UMAD1: variants seen among roughly 807,000 people sequenced by gnomAD.
The protein encoded by UMAD1 is UBAP1-MVB12-associated (UMA) domain containing 1.
Under a neutral mutation model 6.1 loss-of-function variants are expected in UMAD1, and 8 were observed. The observed-to-expected ratio is 1.30, with a 90% confidence interval of 0.76 to 2.35. The LOEUF (loss-of-function observed/expected upper bound fraction) is 2.35, where lower values mean the gene tolerates loss of function less well. Ranked by LOEUF, UMAD1 falls within the 30% of genes most tolerant of loss-of-function variation. UMAD1 has a pLI of 0.00. For missense variants in UMAD1, 130 were observed against 78.4 expected (o/e 1.66, Z -2.49); for synonymous variants, 56 against 31.4 (o/e 1.78, Z -2.61).
chr7:7,678,146 T>A (rs1779795405), intron 2 of UMAD1, among the ~76,000 whole-genome samples: 1 of 151,954 alleles, frequency 6.6e-6, no homozygotes, highest in Non-Finnish European at 1.5e-5. Context: ...GTTTTTAGTT[T>A]TTTTGAGGAA....
At chr7:7,770,074 G>T (rs1405395160) in intron 2 of UMAD1, among the ~76,000 whole-genome samples, 1 of 152,092 alleles carries the variant, frequency 6.6e-6, no homozygotes, top group African/African-American at 2.4e-5. Flanking sequence ...AGTAGTGACT[G>T]TTCCAAACTG....
chr7:7,778,310 G>A (rs909339511), intron 2 of UMAD1, among the ~76,000 whole-genome samples: 155 of 151,042 alleles, frequency 1.0e-3, no homozygotes, highest in Non-Finnish European at 1.3e-3. Flanking sequence ...GAGAGAGAGC[G>A]TAAATATGGC....
At chr7:7,860,438 G>T (rs1257480713) in intron 3 of UMAD1, among the ~76,000 whole-genome samples, 1 of 151,716 alleles carries the variant, frequency 6.6e-6, no homozygotes, top group Non-Finnish European at 1.5e-5. Context: ...TGTTAGACTT[G>T]TTTCTCAACT....
chr7:7,706,631 A>G (rs1357082102), intron 2 of UMAD1, among the ~76,000 whole-genome samples: 1 of 152,202 alleles, frequency 6.6e-6, no homozygotes, highest in Non-Finnish European at 1.5e-5. Flanking sequence ...GAAGATAACT[A>G]ATAATAACTC....
chr7:7,660,469 C>T (rs1785446984), intron 1 of UMAD1, among the ~76,000 whole-genome samples: 1 of 152,114 alleles, frequency 6.6e-6, no homozygotes, highest in Admixed American at 6.5e-5. Flanking sequence ...TTAGTGTTTC[C>T]TTCAGGAGTT....
At chr7:7,785,181 A>G (rs1583823522) in intron 2 of UMAD1, among the ~76,000 whole-genome samples, 2 of 152,250 alleles carry the variant, frequency 1.3e-5, no homozygotes, top group African/African-American at 4.8e-5. Flanking sequence ...TGGGTATGGT[A>G]AAAAGTTGTG....
At chr7:7,693,857 T>C (rs965534111) in intron 2 of UMAD1, among the ~76,000 whole-genome samples, 1 of 152,188 alleles carries the variant, frequency 6.6e-6, no homozygotes, top group Non-Finnish European at 1.5e-5. Context: ...TAATTTTTCC[T>C]CTGTGGTGGG....
rs549476711 is a variant in UMAD1, at chr7:7,708,602, C to A, written c.82+35149C>A. On this transcript the variant is annotated intron_variant, in intron 2 of 3. Transcript: ENST00000682710. Reference sequence around the variant, plus strand: ...TTTAAAAATAAGTCAACATATTTGTCCTTTTGGGACAGACCTCAAAAATAG... The same window carrying A: ...TTTAAAAATAAGTCAACATATTTGTACTTTTGGGACAGACCTCAAAAATAG... Among the ~76,000 whole-genome samples, 10 of 152,272 alleles carry A rather than the reference C, an allele frequency of 6.6e-5. 1 individual carries two copies. The highest frequency in any genetic ancestry group is 2.4e-4 in the African/African-American group (10 of 41,572).
intron 3 of UMAD1, among the ~76,000 whole-genome samples, chr7:7,841,047 A>T (rs1583864809): frequency 1.3e-5 from 2 of 152,186 alleles, no homozygotes; most frequent in Admixed American, 6.5e-5. Flanking sequence ...GTTGTGTTTC[A>T]GTGTACCTGT....
At chr7:7,779,630 A>G (rs1360693623) in intron 2 of UMAD1, among the ~76,000 whole-genome samples, 1 of 151,120 alleles carries the variant, frequency 6.6e-6, no homozygotes, top group Non-Finnish European at 1.5e-5. Flanking sequence ...CTTTTCCTTT[A>G]TTTCCTTTAT....
chr7:7,738,981 G>C (rs1781411052), intron 2 of UMAD1: 1 of 152,170 alleles, frequency 6.6e-6, no homozygotes, highest in Admixed American at 6.5e-5. Flanking sequence ...CTGTTGTTTG[G>C]ATTCTTGAAA....
chr7:7,670,767 A>T (rs1237544209), intron 1 of UMAD1, among the ~76,000 whole-genome samples: 1 of 152,234 alleles, frequency 6.6e-6, no homozygotes, highest in Non-Finnish European at 1.5e-5. Flanking sequence ...ACTGGTAAGC[A>T]TAATTGCCAA....
At chr7:7,747,307 A>G (rs770833186) in intron 2 of UMAD1, among the ~76,000 whole-genome samples, 18 of 152,216 alleles carry the variant, frequency 1.2e-4, no homozygotes, top group East Asian at 1.9e-4. Context: ...TCTTGCAACT[A>G]TTAATGGCAC....
intron 3 of UMAD1, among the ~76,000 whole-genome samples, chr7:7,870,320 G>A (rs1784310722): frequency 1.3e-5 from 2 of 152,160 alleles, no homozygotes; most frequent in African/African-American, 4.8e-5. Context: ...CTAGGTTTAT[G>A]AAGAAACTAT....
intron 2 of UMAD1, among the ~76,000 whole-genome samples, chr7:7,799,402 G>T (rs552800575): frequency 6.6e-6 from 1 of 152,312 alleles, no homozygotes; most frequent in African/African-American, 2.4e-5. Flanking sequence ...AGTTAAGAAC[G>T]CTGGCTGATA....
intron 3 of UMAD1, among the ~76,000 whole-genome samples, chr7:7,850,659 C>T (rs1038055634): frequency 6.6e-6 from 1 of 151,780 alleles, no homozygotes; most frequent in Non-Finnish European, 1.5e-5. Flanking sequence ...TAAGTAATTC[C>T]ATGTTTTGAC....
At position 7,658,677 on chromosome 7, in the gene UMAD1, G is replaced by A. The variant is rs372445773; in HGVS notation, c.-63-14632G>A. The stretch of plus-strand genomic sequence containing the variant: ...TGATGAAGCTGATTTGATTGTGGTG[G>A]ATAAGCTATTTGATGTGCTGTTGGA... On this transcript the variant is annotated intron_variant, in intron 1 of 3. Transcript: ENST00000682710. Among the ~76,000 whole-genome samples, 54 of 152,306 alleles carry A rather than the reference G, an allele frequency of 3.5e-4. 3 individuals carry two copies. In the South Asian group the frequency reaches 0.011, roughly 31 times the overall value.
chr7:7,700,398 T>C (rs1451805126), intron 2 of UMAD1, among the ~76,000 whole-genome samples: 1 of 152,114 alleles, frequency 6.6e-6, no homozygotes, highest in African/African-American at 2.4e-5. Flanking sequence ...ATATTCAGTG[T>C]AGAGAAAACA....
intron 1 of UMAD1, among the ~76,000 whole-genome samples, chr7:7,665,857 G>C (rs527387024): frequency 2.0e-5 from 3 of 150,034 alleles, no homozygotes; most frequent in Non-Finnish European, 4.4e-5. Context: ...GCATGTTGTA[G>C]CATGTATCAC....
Sources: gnomAD v4.1 joint callset for allele counts (sites outside exome capture counted in the v4.1 genomes callset) on GRCh38, gnomAD v4.1.1 for gene constraint, MANE v1.5 for transcripts, NCBI Gene and HGNC (gene_info 2026-07-23, HGNC 2026-07-21) for gene names.